The following SUSD4 variants were observed in gnomAD, a reference collection of about 807,000 sequenced individuals.
SUSD4 encodes the protein sushi domain containing 4.
A neutral mutation model predicts 50.5 loss-of-function variants in SUSD4; 41 were observed. The observed-to-expected ratio is 0.81, with a 90% CI of 0.63 to 1.05. SUSD4 has a LOEUF of 1.05. Ranked by LOEUF, SUSD4 falls within the 50% of genes least tolerant of loss-of-function variation. The pLI is 0.00. For missense variants in SUSD4, 580 were observed against 634.7 expected, an observed-to-expected ratio of 0.91 and a Z score of 0.93; for synonymous variants, 257 against 257.3, an observed-to-expected ratio of 1.00 and a Z score of 0.01.
chr1:223,256,053 A>AG (rs1256630258), intron 5 of SUSD4, among the ~76,000 whole-genome samples: 1 of 152,172 alleles, frequency 6.6e-6, no homozygotes, highest in East Asian at 1.9e-4. Context: ...CTTGCCTGGG[A>AG]AGGAGGGAGG....
At chr1:223,301,663 A>G (rs1218255170) in intron 2 of SUSD4, among the ~76,000 whole-genome samples, 4 of 152,180 alleles carry the variant, frequency 2.6e-5, no homozygotes, top group Non-Finnish European at 5.9e-5. Context: ...CTGTTAAAAT[A>G]TCTCTGTGCA....
intron 3 of SUSD4, among the ~76,000 whole-genome samples, chr1:223,290,291 G>A (rs968954170): frequency 1.3e-5 from 2 of 152,128 alleles, no homozygotes; most frequent in African/African-American, 4.8e-5. Context: ...TGACATCGGT[G>A]GTATAGACTT....
intron 3 of SUSD4, among the ~76,000 whole-genome samples, chr1:223,270,674 A>T (rs1662855093): frequency 2.6e-5 from 4 of 152,126 alleles, no homozygotes; most frequent in Admixed American, 2.6e-4. Flanking sequence ...GGTCCAAGAA[A>T]TTATTCTGCC....
chr1:223,305,139 G>T (rs2103193609), intron 2 of SUSD4, among the ~76,000 whole-genome samples: 1 of 152,116 alleles, frequency 6.6e-6, no homozygotes, highest in East Asian at 1.9e-4. Context: ...GAATTAAAGT[G>T]ATTTCTTCAA....
At chr1:223,283,258 G>A (rs1663880121) in intron 3 of SUSD4, among the ~76,000 whole-genome samples, 1 of 152,156 alleles carries the variant, frequency 6.6e-6, no homozygotes, top group East Asian at 1.9e-4. Context: ...AAGAGCTTCT[G>A]CACAGCAAAA....
At chr1:223,358,811 A>C (rs916333671) in intron 2 of SUSD4, 7 of 203,348 alleles carry the variant, frequency 3.4e-5, no homozygotes, top group Non-Finnish European at 7.3e-5. Context: ...AACATACATT[A>C]GAGTTAGAGG....
chr1:223,284,632 T>C (rs1215611116), intron 3 of SUSD4, among the ~76,000 whole-genome samples: 2 of 152,134 alleles, frequency 1.3e-5, no homozygotes, highest in East Asian at 3.9e-4. Context: ...GATGAATGGG[T>C]AACGAAACTG....
At chr1:223,247,601 C>A (rs974359078) in intron 5 of SUSD4, among the ~76,000 whole-genome samples, 1 of 152,176 alleles carries the variant, frequency 6.6e-6, no homozygotes, top group Non-Finnish European at 1.5e-5. Flanking sequence ...AACAGCAGAA[C>A]ATGCATGCTC....
At position 223,363,134 on chromosome 1, in the gene SUSD4, G is replaced by A. The variant is rs543526963; in HGVS notation, c.148+144C>T. 8 of 1,040,680 alleles carry A rather than the reference G, an allele frequency of 7.7e-6. 1 individual carries two copies. The South Asian group carries it at 2.2e-4, about 29-fold the overall frequency. 64.5% of individuals were successfully genotyped at this position (1,040,680 alleles called of 1,614,324 possible). On this transcript the variant is annotated intron_variant, in intron 2 of 8. Transcript: ENST00000366878. ...GCGGTTTCGGAGAAGGGCGGCCATA[G>A]GCTGGGACGCAGGCACCCTCGCGTT...
At chr1:223,363,631 G>C (rs1669138676) in intron 1 of SUSD4, 171 bp from the exon 2 acceptor site, 3 of 744,830 alleles carry the variant, frequency 4.0e-6, no homozygotes, top group Admixed American at 6.2e-5. Context: ...GCCTTCCCCC[G>C]AGCCGGGTGC....
At position 223,227,680 on chromosome 1, in the gene SUSD4, G is replaced by A. The variant is rs1318094933; in HGVS notation, c.975C>T (p.Phe325=). 1 of 1,613,628 alleles carries A rather than the reference G, an allele frequency of 6.2e-7. No individual in the cohort carries two copies. The highest frequency in any genetic ancestry group is 8.5e-7 in the Non-Finnish European group (1 of 1,179,894). The part of the protein sequence containing the change: ...TLLTTWKIVA[F]TATSVLLVLL... ...GCACCAGCAGCACACTGGTTGCCGT[G>A]AACGCCACAATCTTCCACGTGGTCA... The change falls in exon 7 of 9, where the codon TTC becomes TTT. Residue 325 remains phenylalanine, a synonymous_variant. Transcript: ENST00000366878. This position sits in a 1 kb window ranked among gnomAD's most constrained non-coding sequence, Gnocchi z 4.5.
intron 5 of SUSD4, among the ~76,000 whole-genome samples, chr1:223,256,848 TAGA>T (rs1201311846): frequency 6.6e-6 from 1 of 152,170 alleles, no homozygotes; most frequent in Non-Finnish European, 1.5e-5. Context: ...GTAGTGTCAG[TAGA>T]AGGTGTGGGC....
Position 223,350,004 on chromosome 1 carries a change from G to A in SUSD4, c.148+13274C>T, listed in dbSNP as rs371729230. Among the ~76,000 whole-genome samples the A allele has an allele frequency of 5.9e-5, 9 of 152,076 alleles. No homozygotes were observed. In the East Asian group the frequency reaches 1.4e-3, roughly 23 times the overall value. On this transcript the variant is annotated intron_variant, in intron 2 of 8. Transcript: ENST00000366878. ...CAACATGACCACAGAGCTCTCTCCC[G>A]TCCCCACCCCTGCACCCACACCAAG...
chr1:223,345,504 T>A (rs1336703201), intron 2 of SUSD4, among the ~76,000 whole-genome samples: 1 of 152,164 alleles, frequency 6.6e-6, no homozygotes, highest in Non-Finnish European at 1.5e-5. Flanking sequence ...GCCCTGCCGC[T>A]CCCTCTCCTG....
chr1:223,292,367 AC>A lies in SUSD4; in HGVS notation c.361+71del. ...AGAGCCCAGGGTATTGAGCTGTCACACAGCCCTGCACCCCTGTGGCCATGCA... is the reference window on the plus strand; with the variant it reads ...AGAGCCCAGGGTATTGAGCTGTCACAAGCCCTGCACCCCTGTGGCCATGCA... On this transcript the variant is annotated intron_variant, in intron 3 of 8. Transcript: ENST00000366878. 18 of 1,542,356 alleles carry A rather than the reference AC, an allele frequency of 1.2e-5. No homozygotes were observed. The South Asian group carries it at 2.0e-4, about 17-fold the overall frequency.
intron 2 of SUSD4, among the ~76,000 whole-genome samples, chr1:223,312,773 C>G (rs1211577128): frequency 2.0e-5 from 3 of 152,178 alleles, no homozygotes; most frequent in African/African-American, 4.8e-5. Flanking sequence ...TCCCTACATT[C>G]TCTCTCTCTA....
rs1659928304 is a variant in SUSD4 at position 223,231,982 on chromosome 1, C to G, written c.725-2594G>C. On this transcript the variant is annotated intron_variant, in intron 5 of 8. Transcript: ENST00000366878. The surrounding 1 kb of genome is among the most constrained non-coding windows in gnomAD (Gnocchi z 4.2). Reference sequence around the variant, plus strand: ...GCAATATACACCACAGAATATTATTCAGCCTTAAAAAGGAAGGAAATCCTG... The same window carrying G: ...GCAATATACACCACAGAATATTATTGAGCCTTAAAAAGGAAGGAAATCCTG... Among the ~76,000 whole-genome samples, 1 of 152,206 alleles carries G rather than the reference C, an allele frequency of 6.6e-6. No homozygotes were observed.
At chr1:223,275,970 T>C (rs958467250) in intron 3 of SUSD4, among the ~76,000 whole-genome samples, 3 of 152,070 alleles carry the variant, frequency 2.0e-5, no homozygotes, top group African/African-American at 7.2e-5. Context: ...CAGCATGGGG[T>C]GCCAAGGAGA....
At position 223,292,757 on chromosome 1, in the gene SUSD4, A is replaced by G. The variant is rs144862421; in HGVS notation, c.149-106T>C. 5 of 1,160,450 alleles carry G rather than the reference A, an allele frequency of 4.3e-6. No homozygotes were observed. The African/African-American group carries it at 6.2e-5, about 14-fold the overall frequency. 71.9% of individuals were successfully genotyped at this position (1,160,450 alleles called of 1,614,324 possible). ...CTGCATGATGTCATACGCCTTGGAC[A>G]CTCCAGTTACCCCACCACCAAAGCC... On this transcript the variant is annotated intron_variant, in intron 2 of 8. Coordinates refer to ENST00000366878, the MANE Select transcript of SUSD4 (RefSeq NM_017982.4).
Sources: gnomAD v4.1 joint callset for allele counts (sites outside exome capture counted in the v4.1 genomes callset) on GRCh38, gnomAD v4.1.1 for gene constraint, Gnocchi (gnomAD v3.1) non-coding constraint, MANE v1.5 for transcripts, NCBI Gene and HGNC (gene_info 2026-07-23, HGNC 2026-07-21) for gene names.